ACTR5: variants seen among roughly 807,000 people sequenced by gnomAD.
ACTR5 encodes the protein actin-related protein 5.
A neutral mutation model predicts 61.2 loss-of-function variants in ACTR5; 43 were observed. That is an observed-to-expected ratio of 0.70 (90% CI 0.55 to 0.91). The LOEUF (loss-of-function observed/expected upper bound fraction) is 0.91, where lower values mean the gene tolerates loss of function less well. ACTR5 is among the 40% of genes least tolerant of loss of function. The pLI, the probability that ACTR5 is intolerant of heterozygous loss-of-function variation, is 0.00. For synonymous variants in ACTR5, 333 were observed against 310.5 expected (o/e 1.07, Z -0.76); for missense variants, 798 against 782.2 (o/e 1.02, Z -0.24).
chr20:38,770,835 G>C (rs972336673), intron 8 of ACTR5, among the ~76,000 whole-genome samples: 1 of 152,204 alleles, frequency 6.6e-6, no homozygotes, highest in Non-Finnish European at 1.5e-5. Context: ...TGATTCCACT[G>C]TTATGGCCTC....
At chr20:38,762,686 G>T (rs1474163045) in intron 5 of ACTR5, among the ~76,000 whole-genome samples, 1 of 152,196 alleles carries the variant, frequency 6.6e-6, no homozygotes, top group Non-Finnish European at 1.5e-5. Context: ...AAAAGTGATT[G>T]GATTCCAGGC....
At chr20:38,763,579 C>T (rs975749919) in intron 5 of ACTR5, among the ~76,000 whole-genome samples, 3 of 152,222 alleles carry the variant, frequency 2.0e-5, no homozygotes, top group African/African-American at 7.2e-5. Context: ...ATTTATAGAA[C>T]TCCAGCTTAA....
rs777041535 is a variant in ACTR5, at chr20:38,752,286, A to T, written c.761A>T (p.Glu254Val). 5 of 1,607,628 alleles carry T rather than the reference A, an allele frequency of 3.1e-6. No individual in the cohort carries two copies. In the Admixed American group the frequency reaches 5.0e-5, roughly 16 times the overall value. The change falls in exon 3 of 9, where the codon GAG becomes GTG. Residue 254 changes from glutamate (E) to valine (V), a missense_variant. By Grantham distance (121) the Glu-to-Val change is moderately radical. Transcript: ENST00000243903. ...EILHEHSYIA[E>V]DYVEELHKWR... ...CTGCATGAGCACAGCTACATCGCTG[A>T]GGATTATGTGGAAGGTATCCAAGAG...
intron 5 of ACTR5, 62 bp from the exon 6 acceptor site, chr20:38,765,340 A>C (rs1340929047): frequency 1.7e-6 from 2 of 1,206,510 alleles, no homozygotes; most frequent in African/African-American, 3.0e-5. Flanking sequence ...TGTGGCACTA[A>C]AATGATAGAA....
chr20:38,755,743 C>T (rs186844282), intron 4 of ACTR5, 114 bp from the exon 5 acceptor site: 51 of 1,053,800 alleles, frequency 4.8e-5, no homozygotes, highest in South Asian at 1.1e-4. Context: ...CAGCTGGAGG[C>T]GTGGCTCTGG....
chr20:38,755,009 G>C lies in ACTR5; in HGVS notation c.828G>C (p.Met276Ile). Residue 276 changes from methionine (M) to isoleucine (I), a missense_variant, in exon 4 of 9, where the codon ATG becomes ATC. Transcript: ENST00000243903. ...PDYYENNVHK[M>I]QLPFSSKLLG... The stretch of plus-strand genomic sequence containing the variant: ...ATTATGAGAATAATGTCCACAAGAT[G>C]CAGCTCCCATTTTCCAGCAAGCTCC... The C allele has an allele frequency of 6.2e-7, 1 of 1,614,260 alleles. No individual in the cohort carries two copies. Among genetic ancestry groups the C allele is most frequent in the Non-Finnish European group, 8.5e-7 (1 of 1,180,050 alleles).
Position 38,757,327 on chromosome 20 carries a change from G to A in ACTR5, c.1176+1288G>A, listed in dbSNP as rs144044958. 1.3e-3 allele frequency among the ~76,000 whole-genome samples: 205 copies of A among 152,264 alleles called. 2 individuals carry two copies. Among genetic ancestry groups the A allele is most frequent in the African/African-American group, 4.6e-3 (192 of 41,544 alleles). ...CAGGTCACTCCTCAGTCCAGAAGTC[G>A]CTGGTTGAGTCGCCTGCCTTTAGAA... On this transcript the variant is annotated intron_variant, in intron 5 of 8. Transcript: ENST00000243903.
At chr20:38,760,322 T>C (rs1440759907) in intron 5 of ACTR5, among the ~76,000 whole-genome samples, 1 of 152,064 alleles carries the variant, frequency 6.6e-6, no homozygotes, top group Admixed American at 6.6e-5. Context: ...TACCCATCAG[T>C]CTTATGAGCC....
intron 1 of ACTR5, among the ~76,000 whole-genome samples, chr20:38,749,699 A>G (rs2084374755): frequency 1.3e-5 from 2 of 152,244 alleles, no homozygotes; most frequent in South Asian, 2.1e-4. Context: ...GTAAGGGATG[A>G]TGGTGGCTTA....
chr20:38,765,307 T>C (rs549815408), intron 5 of ACTR5, 95 bp from the exon 6 acceptor site: 1 of 874,320 alleles, frequency 1.1e-6, no homozygotes, highest in East Asian at 2.4e-5. Flanking sequence ...TTTAGAACAT[T>C]GGGCAAGATC....
chr20:38,767,954 G>A (rs893214715), intron 8 of ACTR5, among the ~76,000 whole-genome samples: 2 of 152,194 alleles, frequency 1.3e-5, no homozygotes, highest in Admixed American at 6.5e-5. Flanking sequence ...GGGGCCAGAA[G>A]CTTGTTGAGG....
In ACTR5 at chr20:38,755,135, G is replaced by C; in HGVS notation, c.954G>C (p.Gln318His). The C allele has an allele frequency of 6.2e-7, 1 of 1,613,734 alleles. No individual in the cohort carries two copies. The stretch of plus-strand genomic sequence containing the variant: ...CCCGGCGGCGGGAGGAGAAGCTGCA[G>C]CTGGATCAGGAGCGTCTGGACCGAC... ...LNARRREEKL[Q>H]LDQERLDRLL... Residue 318 changes from glutamine to histidine, a missense_variant, in exon 4 of 9, where the codon CAG becomes CAC. Physicochemically the swap from Gln to His is conservative, Grantham distance 24. Coordinates refer to ENST00000243903, the MANE Select transcript of ACTR5 (RefSeq NM_024855.4).
intron 5 of ACTR5, among the ~76,000 whole-genome samples, chr20:38,763,502 A>G (rs557505905): frequency 1.3e-5 from 2 of 151,962 alleles, no homozygotes; most frequent in Admixed American, 6.6e-5. Flanking sequence ...TGTATTACCT[A>G]CTCTGACCTC....
intron 2 of ACTR5, 74 bp downstream of exon 2, chr20:38,750,313 A>G (rs1331450382): frequency 1.5e-6 from 2 of 1,316,458 alleles, no homozygotes; most frequent in Non-Finnish European, 2.1e-6. Context: ...GCGTGCTTTA[A>G]AGGCAGAGTA....
Position 38,754,868 on chromosome 20 carries a change from C to T in ACTR5, c.776-89C>T, listed in dbSNP as rs1024181281. On this transcript the variant is annotated intron_variant, in intron 3 of 8. Transcript: ENST00000243903. ...CTCCCCAAAGTGCTGGGATTACAGG[C>T]GTGAGCCCCTGCGCCCAGCTGGTAT... 70 of 1,334,154 alleles carry T rather than the reference C, an allele frequency of 5.2e-5. No homozygotes were observed. The Middle Eastern group carries it at 7.4e-4, about 14-fold the overall frequency. 82.6% of individuals were successfully genotyped at this position (1,334,154 alleles called of 1,614,324 possible).
In ACTR5 at chr20:38,755,088, C is replaced by T. The variant is rs771362765; in HGVS notation, c.907C>T (p.Arg303Trp). The change falls in exon 4 of 9, where the codon CGG becomes TGG. Residue 303 changes from arginine to tryptophan, a missense_variant. Arg to Trp is a moderately radical substitution (Grantham distance 101). Coordinates refer to ENST00000243903, the MANE Select transcript of ACTR5 (RefSeq NM_024855.4). The part of the protein sequence containing the change: ...EKQERRQQQL[R>W]RLQELNARRR... Reference sequence around the variant, plus strand: ...ACAAGAAAGGCGGCAGCAGCAATTGCGGCGGCTGCAGGAGCTCAATGCCCG... The same window carrying T: ...ACAAGAAAGGCGGCAGCAGCAATTGTGGCGGCTGCAGGAGCTCAATGCCCG... The T allele has an allele frequency of 9.9e-6, 16 of 1,614,102 alleles. No individual in the cohort carries two copies. The highest frequency in any genetic ancestry group is 1.3e-5 in the Non-Finnish European group (15 of 1,180,036).
In ACTR5 at chr20:38,752,228, G is replaced by C. The variant is rs754454830; in HGVS notation, c.703G>C (p.Ala235Pro). 1 of 1,614,092 alleles carries C rather than the reference G, an allele frequency of 6.2e-7. No homozygotes were observed. Among genetic ancestry groups the C allele is most frequent in the African/African-American group, 1.3e-5 (1 of 75,050 alleles). ...LLQLKYPGHL[A>P]AITLSRMEEI... ...CCAGCTGAAGTACCCTGGGCACCTG[G>C]CAGCCATCACCCTCAGCCGCATGGA... The change falls in exon 3 of 9, where the codon GCA (alanine) becomes CCA (proline). Residue 235 changes from alanine (A) to proline (P), a missense_variant. Ala to Pro is a conservative substitution (Grantham distance 27, BLOSUM62 -1). Transcript: ENST00000243903.
chr20:38,770,379 G>A (rs1002258021), intron 8 of ACTR5, among the ~76,000 whole-genome samples: 3 of 152,116 alleles, frequency 2.0e-5, no homozygotes, highest in South Asian at 4.1e-4. Flanking sequence ...TGAAAACCAA[G>A]AAAACTGTAG....
Position 38,748,555 on chromosome 20 carries a change from A to T in ACTR5, c.77A>T (p.His26Leu). Residue 26 changes from histidine (H) to leucine (L), a missense_variant, in exon 1 of 9, where the codon CAC becomes CTC. Physicochemically the swap from His to Leu is moderately conservative, Grantham distance 99. Coordinates refer to ENST00000243903, the MANE Select transcript of ACTR5 (RefSeq NM_024855.4). ...GTGCTGGAGGCCGGCCCGGTGGCAC[A>T]CGGGCCACTGCCGGTACCGCTGGTG... ...DPVLEAGPVA[H>L]GPLPVPLVLD... The T allele has an allele frequency of 6.6e-7, 1 of 1,513,466 alleles. No homozygotes were observed. 93.8% of individuals were successfully genotyped at this position (1,513,466 alleles called of 1,614,324 possible). A position where few individuals can be genotyped will look rare whatever the true frequency, so the allele number is the denominator to read the frequency against.
Sources: gnomAD v4.1 joint callset for allele counts (sites outside exome capture counted in the v4.1 genomes callset) on GRCh38, gnomAD v4.1.1 for gene constraint, MANE v1.5 for transcripts, NCBI Gene and HGNC (gene_info 2026-07-23, HGNC 2026-07-21) for gene names.